The following SEC63 variants were observed in gnomAD, a reference collection of about 807,000 sequenced individuals.
The protein encoded by SEC63 is translocation protein SEC63 homolog.
A neutral mutation model predicts 116.2 loss-of-function variants in SEC63; 56 were observed. That is an observed-to-expected ratio of 0.48 (90% CI 0.39 to 0.60). SEC63 has a LOEUF of 0.60. Ranked by LOEUF, SEC63 falls within the 20% of genes least tolerant of loss-of-function variation. The pLI is 0.00. For synonymous variants in SEC63, 273 were observed against 294.6 expected (o/e 0.93, Z 0.75); for missense variants, 668 against 900.0 (o/e 0.74, Z 3.30).
At chr6:107,908,280 C>T (rs1787188968) in intron 8 of SEC63, among the ~76,000 whole-genome samples, 1 of 152,026 alleles carries the variant, frequency 6.6e-6, no homozygotes, top group African/African-American at 2.4e-5. Context: ...AACACTCTAT[C>T]TCCCAAGGAT....
chr6:107,901,526 A>T lies in SEC63; in HGVS notation c.1210-9T>A, dbSNP rs1345113115. On this transcript the variant is annotated splice_polypyrimidine_tract_variant and intron_variant, in intron 12 of 20. Coordinates refer to ENST00000369002, the MANE Select transcript of SEC63 (RefSeq NM_007214.5). ...ATAGTTTTAATTTTATACTGAATAA[A>T]AAAAAAAAAGAAAATACATAATTCC... 2 of 1,532,076 alleles carry T rather than the reference A, an allele frequency of 1.3e-6. No homozygotes were observed. Among genetic ancestry groups the T allele is most frequent in the South Asian group, 1.2e-5 (1 of 84,790 alleles). The allele number at this position is 1,532,076 out of a possible 1,614,324, so 94.9% of individuals were successfully genotyped here.
In SEC63 at chr6:107,879,939, A is replaced by T. The variant is rs186739081; in HGVS notation, c.1935+1210T>A. On this transcript the variant is annotated intron_variant, in intron 18 of 20. Coordinates refer to ENST00000369002, the MANE Select transcript of SEC63 (RefSeq NM_007214.5). ...TGAATGAATGTTTCTCTTATTAACT[A>T]AGCATGGTCTAAAATGAAACTGTCT... Among the ~76,000 whole-genome samples, 7 of 152,298 alleles carry T rather than the reference A, an allele frequency of 4.6e-5. No homozygotes were observed. In the East Asian group the frequency reaches 1.2e-3, roughly 25 times the overall value.
intron 4 of SEC63, among the ~76,000 whole-genome samples, chr6:107,920,910 T>C (rs568032410): frequency 1.3e-5 from 2 of 152,318 alleles, no homozygotes; most frequent in African/African-American, 4.8e-5. Context: ...ATGTATCTCA[T>C]AATAACAATG....
intron 4 of SEC63, among the ~76,000 whole-genome samples, chr6:107,920,838 T>C (rs1787539402): frequency 6.6e-6 from 1 of 152,206 alleles, no homozygotes; most frequent in Non-Finnish European, 1.5e-5. Flanking sequence ...GGTGCACAAA[T>C]GTTCCTCAAA....
chr6:107,957,734 C>G (rs1361861507), intron 1 of SEC63, 152 bp downstream of exon 1: 1 of 714,352 alleles, frequency 1.4e-6, no homozygotes, highest in East Asian at 3.9e-5. Flanking sequence ...TGACCCGGGC[C>G]CCGCCAGTGG....
intron 10 of SEC63, among the ~76,000 whole-genome samples, chr6:107,905,579 A>G (rs935506494): frequency 2.0e-5 from 3 of 152,218 alleles, no homozygotes; most frequent in African/African-American, 7.2e-5. Context: ...TCCATCAACT[A>G]CTTTTCTTTT....
chr6:107,933,248 C>T (rs1787852330), intron 1 of SEC63, among the ~76,000 whole-genome samples: 1 of 152,290 alleles, frequency 6.6e-6, no homozygotes, highest in Non-Finnish European at 1.5e-5. Flanking sequence ...GGAAGTAGCC[C>T]TGCCAACATC....
In SEC63 at chr6:107,902,824, T is replaced by C; in HGVS notation, c.1209+20A>G. Reference sequence around the variant, plus strand: ...CAGGACAAACTGCTGAAAACTGACTTTAAAGTAGCAAAGAATTACCTTCTT... The same window carrying C: ...CAGGACAAACTGCTGAAAACTGACTCTAAAGTAGCAAAGAATTACCTTCTT... On this transcript the variant is annotated intron_variant, in intron 12 of 20. Transcript: ENST00000369002. 6.2e-7 allele frequency: 1 copy of C among 1,612,196 alleles called. No homozygotes were observed. The highest frequency in any genetic ancestry group is 1.3e-5 in the African/African-American group (1 of 74,982).
chr6:107,894,771 C>CT (rs113950083), intron 14 of SEC63, among the ~76,000 whole-genome samples: 4 of 146,386 alleles, frequency 2.7e-5, no homozygotes, highest in Non-Finnish European at 4.5e-5. Flanking sequence ...CACCACTTGC[C>CT]TTTTTTTTTT....
intron 1 of SEC63, among the ~76,000 whole-genome samples, chr6:107,951,908 C>A (rs909314531): frequency 1.3e-5 from 2 of 150,480 alleles, no homozygotes; most frequent in Admixed American, 6.6e-5. Context: ...AGGAGGCAGA[C>A]CTTGCAGTGA....
At chr6:107,923,338 T>G (rs536979204) in intron 3 of SEC63, among the ~76,000 whole-genome samples, 9 of 152,232 alleles carry the variant, frequency 5.9e-5, no homozygotes, top group African/African-American at 2.2e-4. Flanking sequence ...GGTCTCAAAC[T>G]CTTGGCCTCA....
At chr6:107,876,773 A>C in intron 18 of SEC63, 111 bp from the exon 19 acceptor site, 1 of 696,548 alleles carries the variant, frequency 1.4e-6, no homozygotes, top group Admixed American at 2.3e-5. Context: ...GCACTGACAA[A>C]CTGCTTGGTA....
intron 14 of SEC63, among the ~76,000 whole-genome samples, chr6:107,896,768 G>C (rs563952047): frequency 1.3e-5 from 2 of 151,592 alleles, no homozygotes; most frequent in East Asian, 3.9e-4. Flanking sequence ...CACCTGAGTT[G>C]AGGAGTTCAA....
At chr6:107,954,875 C>T (rs1329333809) in intron 1 of SEC63, 2 of 152,150 alleles carry the variant, frequency 1.3e-5, no homozygotes, top group African/African-American at 4.8e-5. Context: ...CCAAGTGGTG[C>T]CCAACAATTT....
At chr6:107,872,694 G>A (rs998357094) in intron 20 of SEC63, 114 bp downstream of exon 20, 3 of 696,344 alleles carry the variant, frequency 4.3e-6, no homozygotes, top group Non-Finnish European at 5.1e-6. Context: ...TATAAAGCAT[G>A]AGATGACTTC....
At position 107,917,707 on chromosome 6, in the gene SEC63, C is replaced by T. The variant is rs1018907974; in HGVS notation, c.452+4090G>A. On this transcript the variant is annotated intron_variant, in intron 4 of 20. Coordinates refer to ENST00000369002, the MANE Select transcript of SEC63 (RefSeq NM_007214.5). ...GTGGTCTCGACAGAAGATCAAACTA[C>T]CCACAATGTTCCCTTAAACCAAAGC... Among the ~76,000 whole-genome samples the T allele has an allele frequency of 3.9e-5, 6 of 152,290 alleles. No homozygotes were observed. In the East Asian group the frequency reaches 7.7e-4, roughly 20 times the overall value.
At chr6:107,926,988 A>T (rs575018832) in intron 2 of SEC63, among the ~76,000 whole-genome samples, 97 of 152,292 alleles carry the variant, frequency 6.4e-4, no homozygotes, top group African/African-American at 2.2e-3. Flanking sequence ...CAATTTTTTT[A>T]AAAAACCTGT....
At chr6:107,952,175 A>AT (rs1225784795) in intron 1 of SEC63, among the ~76,000 whole-genome samples, 2 of 152,214 alleles carry the variant, frequency 1.3e-5, no homozygotes, top group African/African-American at 4.8e-5. Flanking sequence ...GGTATTAATT[A>AT]TAAGTACGCT....
At chr6:107,903,298 A>C in intron 11 of SEC63, among the ~76,000 whole-genome samples, 2 of 152,174 alleles carry the variant, frequency 1.3e-5, no homozygotes, top group Middle Eastern at 6.8e-3. Flanking sequence ...ACAAGAACCA[A>C]CATCACCCGT....
Sources: allele counts gnomAD v4.1 joint callset (sites outside exome capture counted in the v4.1 genomes callset), GRCh38; gene constraint gnomAD v4.1.1; transcripts MANE v1.5; gene names NCBI Gene and HGNC (gene_info 2026-07-23, HGNC 2026-07-21).